Variants in DPP4 observed in about 807,000 individuals in gnomAD.
DPP4 encodes dipeptidyl peptidase 4, also known as ADCP-2.
In DPP4, 93 loss-of-function variants were observed where a neutral mutation model predicts 122.4. The observed-to-expected ratio is 0.76, with a 90% CI of 0.64 to 0.90. DPP4 has a LOEUF of 0.90. DPP4 is among the 40% of genes least tolerant of loss of function. DPP4 has a pLI of 0.00. For synonymous variants in DPP4, 321 were observed against 302.9 expected, an observed-to-expected ratio of 1.06 and a Z score of -0.62; for missense variants, 914 against 907.3, an observed-to-expected ratio of 1.01 and a Z score of -0.09.
chr2:162,012,590 C>G (rs553215315), intron 19 of DPP4, among the ~76,000 whole-genome samples: 8 of 152,204 alleles, frequency 5.3e-5, no homozygotes, highest in Middle Eastern at 3.4e-3. Context: ...ATTGGGCATT[C>G]TATATACTAA....
intron 2 of DPP4, among the ~76,000 whole-genome samples, chr2:162,071,267 G>A (rs1184084000): frequency 6.6e-6 from 1 of 152,100 alleles, no homozygotes; most frequent in Non-Finnish European, 1.5e-5. Flanking sequence ...TTGAAACACA[G>A]GGCATTTGCA....
intron 2 of DPP4, among the ~76,000 whole-genome samples, chr2:162,054,995 A>G (rs1684516977): frequency 1.3e-5 from 2 of 152,228 alleles, no homozygotes; most frequent in Non-Finnish European, 2.9e-5. Context: ...ATGTTAGGCA[A>G]CCAGAATACA....
intron 14 of DPP4, 133 bp downstream of exon 14, chr2:162,020,096 A>C: frequency 1.3e-6 from 1 of 742,134 alleles, no homozygotes; most frequent in Non-Finnish European, 2.2e-6. Flanking sequence ...CGTATGTTAA[A>C]AAGAAAAAAA....
intron 23 of DPP4, among the ~76,000 whole-genome samples, chr2:161,995,940 C>T (rs532781058): frequency 2.6e-5 from 4 of 152,044 alleles, no homozygotes; most frequent in Non-Finnish European, 5.9e-5. Flanking sequence ...GCAAATGTAA[C>T]ATATGGGAGG....
At chr2:162,047,305 A>G (rs1020383623) in intron 3 of DPP4, 98 bp downstream of exon 3, 1 of 671,620 alleles carries the variant, frequency 1.5e-6, no homozygotes, top group Non-Finnish European at 2.4e-6. Context: ...ATTTTTAAAA[A>G]CAAGGATTAC....
At chr2:162,022,928 T>A in intron 11 of DPP4, 129 bp from the exon 12 acceptor site, 2 of 927,226 alleles carry the variant, frequency 2.2e-6, no homozygotes, top group Non-Finnish European at 3.4e-6. Flanking sequence ...CATATATTTC[T>A]ATTTATGTTA....
At position 161,994,970 on chromosome 2, in the gene DPP4, G is replaced by C. The variant is rs1700962182; in HGVS notation, c.2190C>G (p.Phe730Leu). 6.2e-7 allele frequency: 1 copy of C among 1,613,972 alleles called. No homozygotes were observed. Among genetic ancestry groups the C allele is most frequent in the Non-Finnish European group, 8.5e-7 (1 of 1,179,958 alleles). The change falls in exon 25 of 26, where the codon TTC becomes TTG. Residue 730 changes from phenylalanine (F) to leucine (L), a missense_variant. Transcript: ENST00000360534. ...SKALVDVGVD[F>L]QAMWYTDEDH... ...CAAAGTTTTTCTATACCATTGCCTG[G>C]AAATCCACTCCAACATCGACCAGGG...
chr2:162,038,286 G>T lies in DPP4; in HGVS notation c.613+16C>A, dbSNP rs1342959541. On this transcript the variant is annotated intron_variant, in intron 8 of 25. Coordinates refer to ENST00000360534, the MANE Select transcript of DPP4 (RefSeq NM_001935.4). ...CTTATAGATTTTCTGATTTGAAAAAGCTTTAAAGTTTCTACCTTCATAAAC... is the reference window on the plus strand; with the variant it reads ...CTTATAGATTTTCTGATTTGAAAAATCTTTAAAGTTTCTACCTTCATAAAC... 7 of 1,529,644 alleles carry T rather than the reference G, an allele frequency of 4.6e-6. No homozygotes were observed. Among genetic ancestry groups the T allele is most frequent in the South Asian group, 1.3e-5 (1 of 78,170 alleles). The allele number at this position is 1,529,644 out of a possible 1,614,324, so 94.8% of individuals were successfully genotyped here. A position where few individuals can be genotyped will look rare whatever the true frequency, so the allele number is the denominator to read the frequency against.
At chr2:162,027,988 T>A (rs1683395156) in intron 10 of DPP4, among the ~76,000 whole-genome samples, 1 of 150,698 alleles carries the variant, frequency 6.6e-6, no homozygotes, top group Non-Finnish European at 1.5e-5. Flanking sequence ...AATTTTCTTA[T>A]AAACATACTT....
At chr2:162,068,518 C>A (rs940963030) in intron 2 of DPP4, among the ~76,000 whole-genome samples, 42 of 152,136 alleles carry the variant, frequency 2.8e-4, no homozygotes, top group African/African-American at 1.0e-3. Flanking sequence ...TTGTGTAGTG[C>A]CCTCCCACAT....
At chr2:162,057,876 G>A (rs1200684360) in intron 2 of DPP4, among the ~76,000 whole-genome samples, 2 of 152,090 alleles carry the variant, frequency 1.3e-5, no homozygotes, top group South Asian at 2.1e-4. Context: ...AGGTTCAAGC[G>A]ATTTTTCTGT....
chr2:162,019,384 G>A lies in DPP4; in HGVS notation c.1245-108C>T, dbSNP rs576789618. 4.3e-6 allele frequency: 3 copies of A among 699,604 alleles called. No homozygotes were observed. The African/African-American group carries it at 5.5e-5, about 13-fold the overall frequency. 43.3% of individuals were successfully genotyped at this position (699,604 alleles called of 1,614,324 possible). ...CTAAGTGTGCACGGAGCGCGCGCAC[G>A]GGTGCCCGCCGCCCTCCGCCATCGC... is the stretch of plus-strand genomic sequence containing the variant. On this transcript the variant is annotated intron_variant, in intron 14 of 25. Coordinates refer to ENST00000360534, the MANE Select transcript of DPP4 (RefSeq NM_001935.4).
intron 10 of DPP4, among the ~76,000 whole-genome samples, chr2:162,029,558 A>G (rs1420553295): frequency 1.3e-5 from 2 of 152,240 alleles, no homozygotes; most frequent in African/African-American, 4.8e-5. Context: ...TAATGTGCAG[A>G]TGTCACTAGC....
chr2:162,011,354 G>A (rs1325430147), intron 20 of DPP4, among the ~76,000 whole-genome samples: 1 of 152,118 alleles, frequency 6.6e-6, no homozygotes, highest in Non-Finnish European at 1.5e-5. Context: ...GCTACTCCTA[G>A]GACTTCAGAG....
intron 2 of DPP4, among the ~76,000 whole-genome samples, chr2:162,053,356 T>A (rs1684451407): frequency 6.6e-6 from 1 of 152,108 alleles, no homozygotes; most frequent in Non-Finnish European, 1.5e-5. Flanking sequence ...AATGTTTTGG[T>A]TTCCCTGGGC....
intron 23 of DPP4, among the ~76,000 whole-genome samples, chr2:161,995,897 T>C (rs1700987464): frequency 6.6e-6 from 1 of 152,164 alleles, no homozygotes; most frequent in South Asian, 2.1e-4. Context: ...AAAGCAAATA[T>C]TACCTCTTTG....
chr2:161,995,479 T>C (rs1700978491), intron 23 of DPP4, 107 bp from the exon 24 acceptor site: 1 of 930,354 alleles, frequency 1.1e-6, no homozygotes, highest in Non-Finnish European at 1.7e-6. Flanking sequence ...CCCCCTTTGA[T>C]ACAAAATATA....
intron 5 of DPP4, among the ~76,000 whole-genome samples, chr2:162,043,858 T>C (rs1479174022): frequency 1.3e-5 from 2 of 152,070 alleles, no homozygotes. Flanking sequence ...TGAGACCCTA[T>C]TTCTAAGAAA....
Position 162,073,470 on chromosome 2 carries a change from A to G in DPP4, c.23T>C (p.Leu8Pro). 2 of 1,614,004 alleles carry G rather than the reference A, an allele frequency of 1.2e-6. No homozygotes were observed. Among genetic ancestry groups the G allele is most frequent in the Non-Finnish European group, 1.7e-6 (2 of 1,180,020 alleles). Residue 8 changes from leucine to proline, a missense_variant, in exon 2 of 26, where the codon CTT becomes CCT. Coordinates refer to ENST00000360534, the MANE Select transcript of DPP4 (RefSeq NM_001935.4). ...CGCAGCAGCACCCAGCAGTCCCAGA[A>G]GAACCTTCCACGGTGTCTGCAAGCC... is the stretch of plus-strand genomic sequence containing the variant. MKTPWKV[L>P]LGLLGAAALV...
Sources: gnomAD v4.1 joint callset for allele counts (sites outside exome capture counted in the v4.1 genomes callset) on GRCh38, gnomAD v4.1.1 for gene constraint, MANE v1.5 for transcripts, NCBI Gene and HGNC (gene_info 2026-07-23, HGNC 2026-07-21) for gene names.